GRM5: variants seen among roughly 807,000 people sequenced by gnomAD.
GRM5 encodes the protein metabotropic glutamate receptor 5.
In GRM5, 19 loss-of-function variants were observed where a neutral mutation model predicts 83.1. The ratio of observed to expected loss-of-function variants is 0.23; its 90% CI spans 0.16 to 0.34. The LOEUF is 0.34. GRM5 is among the 10% of genes least tolerant of loss of function. GRM5 has a pLI of 1.00. For missense variants in GRM5, 1,160 were observed against 1,588.3 expected, an observed-to-expected ratio of 0.73 and a Z score of 4.58; for synonymous variants, 675 against 633.6, an observed-to-expected ratio of 1.07 and a Z score of -0.98.
intron 2 of GRM5, among the ~76,000 whole-genome samples, chr11:88,889,708 A>G (rs72643344): frequency 0.11 from 17,410 of 151,938 alleles, 1,657 homozygotes; most frequent in East Asian, 0.27. Flanking sequence ...AAAAATTTTT[A>G]TTTTTCTCAG....
intron 8 of GRM5, among the ~76,000 whole-genome samples, chr11:88,566,065 C>A (rs7131461): frequency 0.046 from 6,967 of 152,248 alleles, 515 homozygotes; most frequent in African/African-American, 0.16. Flanking sequence ...CATTTGAAAT[C>A]TACATATCTT....
At chr11:88,631,089 A>C (rs1369895505) in intron 4 of GRM5, among the ~76,000 whole-genome samples, 1 of 152,170 alleles carries the variant, frequency 6.6e-6, no homozygotes, top group Non-Finnish European at 1.5e-5. Flanking sequence ...TAGGCCAACC[A>C]TGAGGGCTGT....
intron 3 of GRM5, among the ~76,000 whole-genome samples, chr11:88,833,647 G>A (rs12288429): frequency 0.025 from 3,875 of 152,182 alleles, 172 homozygotes; most frequent in African/African-American, 0.089. Context: ...AAATCAGTAG[G>A]TCAAAGAGAC....
intron 3 of GRM5, among the ~76,000 whole-genome samples, chr11:88,656,585 A>G (rs2135311290): frequency 6.6e-6 from 1 of 152,132 alleles, no homozygotes; most frequent in Middle Eastern, 3.4e-3. Flanking sequence ...ATTTAGCGCC[A>G]TCTTTTGCAT....
intron 4 of GRM5, among the ~76,000 whole-genome samples, chr11:88,633,362 A>T (rs1353041971): frequency 6.6e-6 from 1 of 152,174 alleles, no homozygotes; most frequent in Non-Finnish European, 1.5e-5. Flanking sequence ...ATTTTGATGA[A>T]GTCCAACACA....
At chr11:88,988,275 A>G (rs1435085407) in intron 2 of GRM5, among the ~76,000 whole-genome samples, 5 of 152,054 alleles carry the variant, frequency 3.3e-5, no homozygotes, top group Admixed American at 6.5e-5. Flanking sequence ...GGAAGATGAA[A>G]TGAATGAAAT....
chr11:88,973,658 T>C (rs969741267), intron 2 of GRM5, among the ~76,000 whole-genome samples: 1 of 152,200 alleles, frequency 6.6e-6, no homozygotes, highest in African/African-American at 2.4e-5. Flanking sequence ...TTTGGATTTC[T>C]GGTCTCCAGA....
chr11:88,938,552 A>ATTTT (rs10622517), intron 2 of GRM5, among the ~76,000 whole-genome samples: 16 of 147,862 alleles, frequency 1.1e-4, no homozygotes, highest in African/African-American at 3.7e-4. Flanking sequence ...GTATTACTTC[A>ATTTT]TTTTTTTTTT....
At chr11:88,742,387 G>T (rs1942048030) in intron 3 of GRM5, among the ~76,000 whole-genome samples, 1 of 151,978 alleles carries the variant, frequency 6.6e-6, no homozygotes, top group African/African-American at 2.4e-5. Flanking sequence ...TTATTGCCTG[G>T]AAAAGGAAAC....
intron 3 of GRM5, among the ~76,000 whole-genome samples, chr11:88,734,328 A>G (rs1941866302): frequency 6.6e-6 from 1 of 152,048 alleles, no homozygotes; most frequent in African/African-American, 2.4e-5. Context: ...TTTTAAAAAG[A>G]TAAGTGTTGG....
At chr11:88,792,444 C>T (rs574337349) in intron 3 of GRM5, among the ~76,000 whole-genome samples, 3 of 152,198 alleles carry the variant, frequency 2.0e-5, no homozygotes, top group East Asian at 1.9e-4. Context: ...ACCAAGAAAA[C>T]TACTCTTTTT....
intron 3 of GRM5, among the ~76,000 whole-genome samples, chr11:88,738,521 A>T (rs1167918907): frequency 1.3e-5 from 2 of 152,080 alleles, no homozygotes; most frequent in Non-Finnish European, 2.9e-5. Flanking sequence ...TGAGTTCATG[A>T]TTCTTAATCA....
At chr11:88,819,713 A>G (rs892944675) in intron 3 of GRM5, among the ~76,000 whole-genome samples, 4 of 152,174 alleles carry the variant, frequency 2.6e-5, no homozygotes, top group African/African-American at 9.7e-5. Flanking sequence ...TTGTGTTGCT[A>G]TAACAGAATA....
At chr11:89,058,091 A>AC (rs958072071) in intron 1 of GRM5, among the ~76,000 whole-genome samples, 12 of 151,944 alleles carry the variant, frequency 7.9e-5, no homozygotes, top group Admixed American at 1.3e-4. Flanking sequence ...ACAAAAAAAA[A>AC]CAAGTGAATT....
At chr11:88,519,277 A>G (rs995309567) in intron 9 of GRM5, among the ~76,000 whole-genome samples, 2 of 152,010 alleles carry the variant, frequency 1.3e-5, no homozygotes, top group African/African-American at 4.8e-5. Context: ...GTGCTGTTGT[A>G]GAAAATAGTT....
intron 3 of GRM5, among the ~76,000 whole-genome samples, chr11:88,753,722 C>T (rs1477625187): frequency 6.6e-6 from 1 of 152,074 alleles, no homozygotes; most frequent in Non-Finnish European, 1.5e-5. Context: ...TACATAGACA[C>T]TGTATTAGTC....
At chr11:88,857,904 A>G (rs539713733) in intron 2 of GRM5, among the ~76,000 whole-genome samples, 3 of 152,220 alleles carry the variant, frequency 2.0e-5, no homozygotes, top group Non-Finnish European at 2.9e-5. Flanking sequence ...AGGAACCTGG[A>G]CATATGATTA....
rs898282646 is a variant in GRM5, at chr11:88,943,813, T to C, written c.662-93658A>G. ...TGTTCTAATAAACTACAGTATGCAA[T>C]GTAGAGGTCCATATATAGGGGTCTT... On this transcript the variant is annotated intron_variant, in intron 2 of 9. Transcript: ENST00000305447. Among the ~76,000 whole-genome samples the C allele has an allele frequency of 6.6e-5, 10 of 151,886 alleles. No homozygotes were observed. The South Asian group carries it at 1.0e-3, about 16-fold the overall frequency.
intron 2 of GRM5, among the ~76,000 whole-genome samples, chr11:89,010,677 G>C (rs897206286): frequency 3.3e-5 from 5 of 151,452 alleles, no homozygotes; most frequent in African/African-American, 1.2e-4. Flanking sequence ...AAAAATTATT[G>C]ATATAAACAA....
Sources: allele counts gnomAD v4.1 joint callset (sites outside exome capture counted in the v4.1 genomes callset), GRCh38; gene constraint gnomAD v4.1.1; transcripts MANE v1.5; gene names NCBI Gene and HGNC (gene_info 2026-07-23, HGNC 2026-07-21).